The following NAALAD2 variants were observed in gnomAD, a reference collection of about 807,000 sequenced individuals.
NAALAD2 encodes the protein N-acetylated-alpha-linked acidic dipeptidase 2.
Under a neutral mutation model 95.6 loss-of-function variants are expected in NAALAD2, and 89 were observed. The observed-to-expected ratio is 0.93, with a 90% confidence interval of 0.78 to 1.11. NAALAD2 has a LOEUF of 1.11. Ranked by LOEUF, NAALAD2 falls within the 50% of genes least tolerant of loss-of-function variation. The pLI is 0.00. For synonymous variants in NAALAD2, 264 were observed against 294.4 expected (o/e 0.90, Z 1.06); for missense variants, 894 against 872.4 (o/e 1.02, Z -0.31).
chr11:90,171,801 G>T (rs1952646074), intron 13 of NAALAD2, among the ~76,000 whole-genome samples: 1 of 152,136 alleles, frequency 6.6e-6, no homozygotes, highest in Non-Finnish European at 1.5e-5. Context: ...GAGAAGGGCA[G>T]CTGCCAGATG....
chr11:90,171,606 T>C (rs1377108690), intron 13 of NAALAD2, among the ~76,000 whole-genome samples: 1 of 152,190 alleles, frequency 6.6e-6, no homozygotes, highest in Non-Finnish European at 1.5e-5. Flanking sequence ...TGTGCCTCTT[T>C]GTACAAAGAT....
At chr11:90,163,663 G>C (rs752287855) in intron 11 of NAALAD2, 46 bp downstream of exon 11, 1 of 1,520,536 alleles carries the variant, frequency 6.6e-7, no homozygotes. Flanking sequence ...GGTCAACAGG[G>C]AACAAATATG....
chr11:90,158,777 T>C (rs1395467720), intron 7 of NAALAD2: 1 of 179,028 alleles, frequency 5.6e-6, no homozygotes, highest in Admixed American at 6.0e-5. Flanking sequence ...TGATATTTCT[T>C]TACATATCCC....
chr11:90,140,680 C>A (rs975950715), intron 2 of NAALAD2, among the ~76,000 whole-genome samples: 3 of 151,928 alleles, frequency 2.0e-5, no homozygotes, highest in African/African-American at 7.3e-5. Flanking sequence ...TCTATTTGCC[C>A]ACCCTCATTT....
At chr11:90,176,126 A>C in intron 15 of NAALAD2, 64 bp downstream of exon 15, 10 of 1,321,356 alleles carry the variant, frequency 7.6e-6, no homozygotes, top group South Asian at 1.3e-5. Context: ...GAAGAATGTC[A>C]CTGAGTTGTT....
chr11:90,182,020 C>A (rs1248096617), intron 17 of NAALAD2, among the ~76,000 whole-genome samples: 2 of 151,832 alleles, frequency 1.3e-5, no homozygotes, highest in Non-Finnish European at 2.9e-5. Flanking sequence ...AGACAAGGGC[C>A]AAAGGTACCT....
intron 17 of NAALAD2, 72 bp downstream of exon 17, chr11:90,181,773 C>T (rs1565548146): frequency 4.3e-6 from 4 of 933,698 alleles, no homozygotes; most frequent in Non-Finnish European, 3.3e-6. Context: ...AACTGTTTCA[C>T]TCATATTAGC....
chr11:90,184,626 A>G (rs1298750785), intron 18 of NAALAD2, among the ~76,000 whole-genome samples: 1 of 151,920 alleles, frequency 6.6e-6, no homozygotes, highest in African/African-American at 2.4e-5. Context: ...ATATTTTGTC[A>G]TTATTTTAAA....
At chr11:90,145,024 A>G (rs950890300) in intron 2 of NAALAD2, among the ~76,000 whole-genome samples, 2 of 152,144 alleles carry the variant, frequency 1.3e-5, no homozygotes, top group African/African-American at 4.8e-5. Flanking sequence ...CTCCCAGCCC[A>G]GGAATCTCTT....
At chr11:90,191,064 G>A (rs866921884) in intron 18 of NAALAD2, among the ~76,000 whole-genome samples, 3 of 152,064 alleles carry the variant, frequency 2.0e-5, no homozygotes, top group Middle Eastern at 3.2e-3. Context: ...TGGAATGGAC[G>A]TCATTATCCT....
At chr11:90,147,978 T>G (rs1261646831) in intron 3 of NAALAD2, among the ~76,000 whole-genome samples, 1 of 152,216 alleles carries the variant, frequency 6.6e-6, no homozygotes, top group Non-Finnish European at 1.5e-5. Context: ...TGTAATGATT[T>G]TCTGTATTTC....
chr11:90,178,718 T>C (rs1395600679), intron 16 of NAALAD2, among the ~76,000 whole-genome samples: 2 of 152,132 alleles, frequency 1.3e-5, no homozygotes, highest in East Asian at 3.8e-4. Context: ...TAGAAAAATG[T>C]AACATTATTT....
intron 13 of NAALAD2, among the ~76,000 whole-genome samples, chr11:90,171,183 A>G (rs914126001): frequency 1.1e-4 from 17 of 152,204 alleles, no homozygotes; most frequent in African/African-American, 3.9e-4. Flanking sequence ...TGTGAACATC[A>G]TTTAAATAGT....
At chr11:90,168,274 G>C (rs866831562) in intron 11 of NAALAD2, among the ~76,000 whole-genome samples, 2 of 152,108 alleles carry the variant, frequency 1.3e-5, no homozygotes, top group African/African-American at 4.8e-5. Context: ...AATAAACTCC[G>C]GACACGCCGC....
intron 18 of NAALAD2, among the ~76,000 whole-genome samples, chr11:90,190,077 T>G (rs1169010185): frequency 1.3e-5 from 2 of 152,212 alleles, no homozygotes; most frequent in African/African-American, 4.8e-5. Flanking sequence ...TGATCATTTC[T>G]TTTAGCTTGC....
chr11:90,168,401 G>A (rs914933787), intron 11 of NAALAD2, among the ~76,000 whole-genome samples: 2 of 152,230 alleles, frequency 1.3e-5, no homozygotes, highest in African/African-American at 4.8e-5. Flanking sequence ...CGGGTACTCC[G>A]GAGGCTGAGT....
At position 90,163,046 on chromosome 11, in the gene NAALAD2, A is replaced by C; in HGVS notation, c.1075+12A>C. ...ATCTGTGGAACCTGGTGAGTCACAT[A>C]ATTTTTTAAAACATTTTGTTTTTAC... is the stretch of plus-strand genomic sequence containing the variant. On this transcript the variant is annotated intron_variant, in intron 9 of 18. Transcript: ENST00000534061. 6.6e-7 allele frequency: 1 copy of C among 1,513,076 alleles called. No individual in the cohort carries two copies. Among genetic ancestry groups the C allele is most frequent in the South Asian group, 1.3e-5 (1 of 79,512 alleles). 93.7% of individuals were successfully genotyped at this position (1,513,076 alleles called of 1,614,324 possible). A position where few individuals can be genotyped will look rare whatever the true frequency, so the allele number is the denominator to read the frequency against.
rs764779538 is a variant in NAALAD2, at chr11:90,178,137, A to G, written c.1858+20A>G. The G allele has an allele frequency of 1.9e-6, 3 of 1,595,934 alleles. No individual in the cohort carries two copies. Among genetic ancestry groups the G allele is most frequent in the Non-Finnish European group, 1.7e-6 (2 of 1,172,886 alleles). On this transcript the variant is annotated intron_variant, in intron 16 of 18. Transcript: ENST00000534061. ...CATTTGGTAAGAAATAGTTGGGCAG[A>G]TATTTTACAGTCTTTAAGTTAGAGC...
rs184629503 is a variant in NAALAD2, at chr11:90,164,821, G to T, written c.1278+1204G>T. On this transcript the variant is annotated intron_variant, in intron 11 of 18. Coordinates refer to ENST00000534061, the MANE Select transcript of NAALAD2 (RefSeq NM_005467.4). ...GTGAAGAGAGAATTTTGAAAAACCT[G>T]GTTTGAAATGTTAAACCTATAACTC... is the stretch of plus-strand genomic sequence containing the variant. Among the ~76,000 whole-genome samples the T allele has an allele frequency of 4.8e-3, 735 of 152,122 alleles. 9 individuals carry two copies. Among genetic ancestry groups the T allele is most frequent in the African/African-American group, 0.017 (696 of 41,482 alleles).
Sources: allele counts gnomAD v4.1 joint callset (sites outside exome capture counted in the v4.1 genomes callset), GRCh38; gene constraint gnomAD v4.1.1; transcripts MANE v1.5; gene names NCBI Gene and HGNC (gene_info 2026-07-23, HGNC 2026-07-21).